Variants in MED27 observed in about 807,000 individuals in gnomAD.
MED27 encodes the protein mediator complex subunit 27, also known as mediator of RNA polymerase II transcription subunit 27.
MED27 carries 30 observed loss-of-function variants against 38.2 expected under a neutral mutation model. That is an observed-to-expected ratio of 0.79 (90% CI 0.59 to 1.07). The LOEUF (loss-of-function observed/expected upper bound fraction) is 1.07. Among genes scored for constraint, MED27 ranks in the 50% least tolerant of loss-of-function variants. MED27 has a pLI of 0.00. For synonymous variants in MED27, 122 were observed against 153.5 expected (o/e 0.79, Z 1.52); for missense variants, 289 against 397.5 (o/e 0.73, Z 2.32).
intron 2 of MED27, among the ~76,000 whole-genome samples, chr9:132,045,846 C>G (rs1224949631): frequency 6.6e-6 from 1 of 152,188 alleles, no homozygotes; most frequent in Non-Finnish European, 1.5e-5. Context: ...TCTGTAGGTT[C>G]TGGGAAACCT....
chr9:131,904,200 A>T (rs1380968565), intron 4 of MED27, among the ~76,000 whole-genome samples: 1 of 151,528 alleles, frequency 6.6e-6, no homozygotes, highest in Non-Finnish European at 1.5e-5. Flanking sequence ...CGACCAGCCC[A>T]GCTATTTTTT....
rs574622918 is a variant in MED27 at position 131,964,404 on chromosome 9, G to A, written c.480-24930C>T. Among the ~76,000 whole-genome samples, 6 of 151,590 alleles carry A rather than the reference G, an allele frequency of 4.0e-5. No individual in the cohort carries two copies. In the East Asian group the frequency reaches 1.2e-3, roughly 30 times the overall value. On this transcript the variant is annotated intron_variant, in intron 3 of 7. Coordinates refer to ENST00000292035, the MANE Select transcript of MED27 (RefSeq NM_004269.4). ...GGTGATGGTGGTGGTGATGCTGGAG[G>A]TGATAGTGATGGTGGTGGTGGTGGT...
At chr9:132,040,417 G>A (rs1215833178) in intron 2 of MED27, among the ~76,000 whole-genome samples, 2 of 152,200 alleles carry the variant, frequency 1.3e-5, no homozygotes, top group African/African-American at 4.8e-5. Flanking sequence ...GAGAGGTGGG[G>A]CCGTGGAGAG....
chr9:132,069,786 G>A (rs911551966), intron 2 of MED27, among the ~76,000 whole-genome samples: 2 of 152,144 alleles, frequency 1.3e-5, no homozygotes, highest in African/African-American at 2.4e-5. Context: ...TCATCCTACC[G>A]ATGAGGAAGG....
chr9:132,015,909 A>G (rs1245672316), intron 2 of MED27, among the ~76,000 whole-genome samples: 1 of 152,222 alleles, frequency 6.6e-6, no homozygotes, highest in East Asian at 1.9e-4. Flanking sequence ...ATAACATCCA[A>G]TATGTTTCTT....
intron 2 of MED27, among the ~76,000 whole-genome samples, chr9:132,035,783 C>T (rs1252084645): frequency 6.6e-6 from 1 of 152,090 alleles, no homozygotes; most frequent in Non-Finnish European, 1.5e-5. Context: ...GGCAACATAG[C>T]AAGACCCCAT....
intron 3 of MED27, among the ~76,000 whole-genome samples, chr9:131,979,773 G>C (rs1458448684): frequency 6.6e-6 from 1 of 152,042 alleles, no homozygotes; most frequent in East Asian, 1.9e-4. Flanking sequence ...CCTTACCTTG[G>C]ATGGGTTCTG....
chr9:132,031,441 A>C (rs1275438186), intron 2 of MED27, among the ~76,000 whole-genome samples: 1 of 152,246 alleles, frequency 6.6e-6, no homozygotes, highest in African/African-American at 2.4e-5. Context: ...GAGGCAACAG[A>C]TAACTTCTAA....
intron 4 of MED27, among the ~76,000 whole-genome samples, chr9:131,905,976 G>T (rs1830055183): frequency 6.6e-6 from 1 of 152,124 alleles, no homozygotes; most frequent in South Asian, 2.1e-4. Flanking sequence ...AAGGAGACAG[G>T]CAATGAAGAA....
chr9:131,943,849 T>C (rs75850622), intron 3 of MED27, among the ~76,000 whole-genome samples: 2,146 of 152,282 alleles, frequency 0.014, 55 homozygotes, highest in African/African-American at 0.049. Flanking sequence ...GCTGGCTTGA[T>C]GGTCCAAGAA....
chr9:131,875,797 G>C (rs1174348349), intron 6 of MED27, among the ~76,000 whole-genome samples: 1 of 152,180 alleles, frequency 6.6e-6, no homozygotes, highest in Non-Finnish European at 1.5e-5. Flanking sequence ...TTTTTTTGGG[G>C]AGATGGGGTT....
chr9:131,973,544 G>A (rs1205401607), intron 3 of MED27, among the ~76,000 whole-genome samples: 29 of 134,150 alleles, frequency 2.2e-4, no homozygotes, highest in Non-Finnish European at 7.6e-5. Context: ...TACAACCTCC[G>A]CCTCCTGGGT....
chr9:131,935,358 C>T (rs907488461), intron 4 of MED27, among the ~76,000 whole-genome samples: 3 of 152,124 alleles, frequency 2.0e-5, no homozygotes, highest in African/African-American at 4.8e-5. Flanking sequence ...ACCTACTGTG[C>T]ACCCATAAAA....
chr9:131,894,702 A>C (rs1029114596), intron 4 of MED27, among the ~76,000 whole-genome samples: 1 of 152,100 alleles, frequency 6.6e-6, no homozygotes, highest in Non-Finnish European at 1.5e-5. Flanking sequence ...GAATAGGCTC[A>C]GCACCAAGAA....
rs575670803 is a variant in MED27 at position 131,909,775 on chromosome 9, T to C, written c.574-15783A>G. 3.9e-5 allele frequency among the ~76,000 whole-genome samples: 6 copies of C among 152,330 alleles called. 1 individual carries two copies. The highest frequency in any genetic ancestry group is 3.9e-4 in the Admixed American group (6 of 15,302). On this transcript the variant is annotated intron_variant, in intron 4 of 7. Coordinates refer to ENST00000292035, the MANE Select transcript of MED27 (RefSeq NM_004269.4). ...GAGAGAGGCAACCAAACAACACTGTTTGGGTTCTTGTGTGTCTGAGAATGC... is the reference window on the plus strand; with the variant it reads ...GAGAGAGGCAACCAAACAACACTGTCTGGGTTCTTGTGTGTCTGAGAATGC...
intron 4 of MED27, among the ~76,000 whole-genome samples, chr9:131,938,959 C>G (rs1262566052): frequency 1.3e-5 from 2 of 152,098 alleles, no homozygotes; most frequent in African/African-American, 4.8e-5. Flanking sequence ...GTGATCCGCC[C>G]GCCTCAGCCT....
chr9:131,969,760 G>A (rs540490669), intron 3 of MED27, among the ~76,000 whole-genome samples: 18 of 152,274 alleles, frequency 1.2e-4, no homozygotes, highest in African/African-American at 4.3e-4. Flanking sequence ...AGGTGGTCAG[G>A]AAGGCCCTGA....
chr9:131,991,571 CTT>C (rs1394912387), intron 3 of MED27, among the ~76,000 whole-genome samples: 1 of 152,176 alleles, frequency 6.6e-6, no homozygotes, highest in African/African-American at 2.4e-5. Flanking sequence ...AGGCACCACA[CTT>C]AACATACATA....
At chr9:131,987,894 C>T (rs565020298) in intron 3 of MED27, among the ~76,000 whole-genome samples, 4 of 152,152 alleles carry the variant, frequency 2.6e-5, no homozygotes, top group South Asian at 2.1e-4. Flanking sequence ...TTAGTTGGGG[C>T]GGCTGGCCCT....
Sources: allele counts gnomAD v4.1 joint callset (sites outside exome capture counted in the v4.1 genomes callset), GRCh38; gene constraint gnomAD v4.1.1; transcripts MANE v1.5; gene names NCBI Gene and HGNC (gene_info 2026-07-23, HGNC 2026-07-21).